Variants in PSMD11 observed in about 807,000 individuals in gnomAD.
PSMD11 encodes proteasome 26S subunit, non-ATPase 11.
Under a neutral mutation model 62.3 loss-of-function variants are expected in PSMD11, and 5 were observed. The observed-to-expected ratio is 0.08, with a 90% confidence interval of 0.04 to 0.17. The LOEUF (loss-of-function observed/expected upper bound fraction) is 0.17. Among genes scored for constraint, PSMD11 ranks in the 10% least tolerant of loss-of-function variants. The pLI is 1.00. For synonymous variants in PSMD11, 191 were observed against 191.8 expected, an observed-to-expected ratio of 1.00 and a Z score of 0.03; for missense variants, 310 against 512.9, an observed-to-expected ratio of 0.60 and a Z score of 3.82.
At chr17:32,474,041 TACAGAA>T (rs1386632447) in intron 7 of PSMD11, 96 bp downstream of exon 7, 23 of 1,455,144 alleles carry the variant, frequency 1.6e-5, no homozygotes, top group Middle Eastern at 2.4e-4. Context: ...TTTGGCCAGT[TACAGAA>T]ACAGCAGCAG....
In PSMD11 at chr17:32,480,878, T is replaced by G. The variant is rs1908468822; in HGVS notation, c.*126T>G. 2 of 425,466 alleles carry G rather than the reference T, an allele frequency of 4.7e-6. No individual in the cohort carries two copies. Among genetic ancestry groups the G allele is most frequent in the Non-Finnish European group, 8.2e-6 (2 of 243,200 alleles). The allele number at this position is 425,466 out of a possible 1,614,324, so 26.4% of individuals were successfully genotyped here. A position where few individuals can be genotyped will look rare whatever the true frequency, so the allele number is the denominator to read the frequency against. ...CGCTCGGAAAGTTTTTAAATCCTCA[T>G]TTGGTGCATCTGTATTCCAGCCAAT... On this transcript the variant is annotated 3_prime_UTR_variant, in exon 14 of 14. Transcript: ENST00000261712.
In PSMD11 at chr17:32,466,053, G is replaced by T. The variant is rs151202487; in HGVS notation, c.448+1475G>T. ...CTCTGTCGTCCAGGCTGGAGTGCAG[G>T]GGTGTGATGTTGGCTCACTGCAACC... On this transcript the variant is annotated intron_variant, in intron 5 of 13. Transcript: ENST00000261712. 5.7e-3 allele frequency among the ~76,000 whole-genome samples: 862 copies of T among 152,200 alleles called. 9 individuals carry two copies. The highest frequency in any genetic ancestry group is 0.019 in the African/African-American group (771 of 41,536).
At chr17:32,447,873 T>C (rs1907374978) in intron 2 of PSMD11, among the ~76,000 whole-genome samples, 1 of 152,018 alleles carries the variant, frequency 6.6e-6, no homozygotes, top group Admixed American at 6.6e-5. Flanking sequence ...TAAAGATTTT[T>C]TTTTTCTTTT....
At chr17:32,448,723 G>T (rs955612461) in intron 2 of PSMD11, among the ~76,000 whole-genome samples, 1 of 152,090 alleles carries the variant, frequency 6.6e-6, no homozygotes, top group South Asian at 2.1e-4. Context: ...TTGAATCCTC[G>T]AAACAACTTG....
rs1453187885 is a variant in PSMD11 at position 32,481,993 on chromosome 17, G to C, written c.*1241G>C. ...ATGCCATTTGGGTAGGTGAGCTTCT[G>C]CACTTCTGTTGTGCTGAACTGTATT... On this transcript the variant is annotated 3_prime_UTR_variant, in exon 14 of 14. Transcript: ENST00000261712. 1 of 152,070 alleles carries C rather than the reference G, an allele frequency of 6.6e-6. No individual in the cohort carries two copies. The highest frequency in any genetic ancestry group is 2.4e-5 in the African/African-American group (1 of 41,398). 9.4% of individuals were successfully genotyped at this position (152,070 alleles called of 1,614,324 possible). A position where few individuals can be genotyped will look rare whatever the true frequency, so the allele number is the denominator to read the frequency against.
intron 1 of PSMD11, chr17:32,445,075 A>C (rs1907292029): frequency 6.3e-6 from 1 of 158,300 alleles, no homozygotes; most frequent in Admixed American, 6.5e-5. Context: ...TCCGGGTGGG[A>C]GCGCGAGCGC....
intron 3 of PSMD11, among the ~76,000 whole-genome samples, chr17:32,461,030 G>A (rs908626411): frequency 6.6e-6 from 1 of 152,062 alleles, no homozygotes; most frequent in African/African-American, 2.4e-5. Context: ...CTGGGGAGTA[G>A]CCTATGGGCA....
intron 1 of PSMD11, among the ~76,000 whole-genome samples, chr17:32,446,654 C>A (rs187921108): frequency 3.3e-5 from 5 of 152,162 alleles, no homozygotes; most frequent in Non-Finnish European, 1.5e-5. Flanking sequence ...ACCAAGTGAC[C>A]ACAACAGAAA....
chr17:32,466,831 TC>T (rs1409449558), intron 5 of PSMD11, among the ~76,000 whole-genome samples: 1 of 152,212 alleles, frequency 6.6e-6, no homozygotes, highest in Admixed American at 6.5e-5. Flanking sequence ...ATTTTAGCCA[TC>T]CTAAATAGCA....
chr17:32,448,622 C>T (rs1231877210), intron 2 of PSMD11, among the ~76,000 whole-genome samples: 1 of 152,096 alleles, frequency 6.6e-6, no homozygotes, highest in Non-Finnish European at 1.5e-5. Flanking sequence ...ATCTACCTGC[C>T]TTGGCCTCCC....
At chr17:32,474,915 C>A (rs145768619) in intron 8 of PSMD11, 91 bp downstream of exon 8, 3 of 1,095,032 alleles carry the variant, frequency 2.7e-6, no homozygotes, top group Non-Finnish European at 1.4e-6. Context: ...CTCTTCAGAT[C>A]TTCATACTAC....
In PSMD11 at chr17:32,480,216, G is replaced by A; in HGVS notation, c.1126+19G>A. On this transcript the variant is annotated intron_variant, in intron 12 of 13. Transcript: ENST00000261712. ...TTTCATGGTAAGTAACAGTCACACA[G>A]GCAAGGGGGCTGGTGGTGGTGATGA... is the stretch of plus-strand genomic sequence containing the variant. The A allele has an allele frequency of 6.2e-7, 1 of 1,605,550 alleles. No homozygotes were observed. The highest frequency in any genetic ancestry group is 1.1e-5 in the South Asian group (1 of 90,920).
chr17:32,473,607 G>C (rs562931826), intron 6 of PSMD11, among the ~76,000 whole-genome samples, 194 bp from the exon 7 acceptor site: 2 of 151,148 alleles, frequency 1.3e-5, no homozygotes, highest in Non-Finnish European at 2.9e-5. Context: ...AAGAGATGGG[G>C]TCTTACTATG....
intron 2 of PSMD11, among the ~76,000 whole-genome samples, chr17:32,452,678 T>C (rs1907541970): frequency 6.6e-6 from 1 of 152,312 alleles, no homozygotes; most frequent in African/African-American, 2.4e-5. Flanking sequence ...AAAAGAACTT[T>C]AATGGGCTCA....
chr17:32,465,582 A>G (rs1027440781), intron 5 of PSMD11, among the ~76,000 whole-genome samples: 57 of 152,314 alleles, frequency 3.7e-4, no homozygotes, highest in African/African-American at 1.4e-3. Context: ...CTTTAATAAG[A>G]TATGGTTCAC....
At chr17:32,470,205 A>G (rs531067277) in intron 6 of PSMD11, among the ~76,000 whole-genome samples, 12 of 151,726 alleles carry the variant, frequency 7.9e-5, no homozygotes, top group African/African-American at 1.2e-4. Context: ...GGGTTTCGCC[A>G]TGTTGCCCAG....
chr17:32,444,641 GC>G, intron 1 of PSMD11, 27 bp downstream of exon 1: 1 of 1,609,402 alleles, frequency 6.2e-7, no homozygotes, highest in Non-Finnish European at 8.5e-7. Context: ...CGCCTCCCCG[GC>G]CCCGCCGGCC....
chr17:32,450,401 G>A (rs2150828839), intron 2 of PSMD11, among the ~76,000 whole-genome samples: 1 of 149,886 alleles, frequency 6.7e-6, no homozygotes, highest in Non-Finnish European at 1.5e-5. Context: ...GACTACAGGC[G>A]TGAGCCACCA....
intron 2 of PSMD11, among the ~76,000 whole-genome samples, chr17:32,447,573 T>C (rs1752343038): frequency 6.6e-6 from 1 of 152,216 alleles, no homozygotes; most frequent in African/African-American, 2.4e-5. Flanking sequence ...ATTGAACCAT[T>C]GACTGATTAG....
Sources: allele counts gnomAD v4.1 joint callset (sites outside exome capture counted in the v4.1 genomes callset), GRCh38; gene constraint gnomAD v4.1.1; transcripts MANE v1.5; gene names NCBI Gene and HGNC (gene_info 2026-07-23, HGNC 2026-07-21).